The following MYLK variants were observed in gnomAD, a reference collection of about 807,000 sequenced individuals.
The protein encoded by MYLK is myosin light chain kinase, smooth muscle.
Under a neutral mutation model 203.4 loss-of-function variants are expected in MYLK, and 106 were observed. The ratio of observed to expected loss-of-function variants is 0.52; its 90% CI spans 0.45 to 0.61. The LOEUF (loss-of-function observed/expected upper bound fraction) is 0.61, where lower values mean the gene tolerates loss of function less well. Ranked by LOEUF, MYLK falls within the 20% of genes least tolerant of loss-of-function variation. The pLI is 0.00. For missense variants in MYLK, 2,072 were observed against 2,442.3 expected, an observed-to-expected ratio of 0.85 and a Z score of 3.20; for synonymous variants, 867 against 959.5, an observed-to-expected ratio of 0.90 and a Z score of 1.78.
At chr3:123,833,035 C>A (rs1049387041) in intron 2 of MYLK, among the ~76,000 whole-genome samples, 2 of 151,986 alleles carry the variant, frequency 1.3e-5, no homozygotes, top group Admixed American at 6.6e-5. Flanking sequence ...ACGGGAGAGA[C>A]GGGGCTCTCA....
At chr3:123,710,012 G>A in intron 13 of MYLK, 119 bp from the exon 14 acceptor site, 1 of 1,319,762 alleles carries the variant, frequency 7.6e-7, no homozygotes, top group Non-Finnish European at 1.1e-6. Flanking sequence ...GAAACTGGCA[G>A]CTAACAGATA....
At chr3:123,812,007 T>C (rs1003689783) in intron 3 of MYLK, among the ~76,000 whole-genome samples, 3 of 152,216 alleles carry the variant, frequency 2.0e-5, no homozygotes, top group African/African-American at 7.2e-5. Flanking sequence ...TAACGCTCAA[T>C]ATAAAGAATC....
chr3:123,721,135 C>T (rs2062071470), intron 13 of MYLK, among the ~76,000 whole-genome samples: 2 of 152,216 alleles, frequency 1.3e-5, no homozygotes, highest in Non-Finnish European at 2.9e-5. Flanking sequence ...CAGTAAGCCA[C>T]AAATGTTTCT....
At position 123,627,449 on chromosome 3, in the gene MYLK, A is replaced by G. The variant is rs190487605; in HGVS notation, c.5115-508T>C. 1.2e-4 allele frequency among the ~76,000 whole-genome samples: 19 copies of G among 152,366 alleles called. No individual in the cohort carries two copies. The East Asian group carries it at 2.7e-3, about 22-fold the overall frequency. ...ATATCAGGTTTTTCCATTACAACTC[A>G]AAGAAGTAGGTCCTGCCTATAACCT... On this transcript the variant is annotated intron_variant, in intron 30 of 33. Coordinates refer to ENST00000360304, the MANE Select transcript of MYLK (RefSeq NM_053025.4).
chr3:123,614,423 T>C, intron 33 of MYLK, 74 bp from the exon 34 acceptor site: 1 of 1,584,064 alleles, frequency 6.3e-7, no homozygotes. Flanking sequence ...GCAAGCAACT[T>C]GTAAGCTACC....
chr3:123,850,091 G>T (rs891304376), intron 2 of MYLK, among the ~76,000 whole-genome samples: 14 of 152,308 alleles, frequency 9.2e-5, no homozygotes, highest in Middle Eastern at 3.4e-3. Flanking sequence ...TTTTATGGCT[G>T]CATAGTATTC....
chr3:123,861,399 G>C (rs535453228), intron 2 of MYLK, among the ~76,000 whole-genome samples: 2 of 152,346 alleles, frequency 1.3e-5, no homozygotes, highest in African/African-American at 4.8e-5. Flanking sequence ...GGTACTAACA[G>C]AGCTCCCCTC....
chr3:123,844,494 T>C (rs2066664208), intron 2 of MYLK, among the ~76,000 whole-genome samples: 1 of 152,162 alleles, frequency 6.6e-6, no homozygotes, highest in Non-Finnish European at 1.5e-5. Flanking sequence ...AGTCATGAGT[T>C]CTTAGAATCC....
chr3:123,820,862 T>A (rs1478012059), intron 3 of MYLK, among the ~76,000 whole-genome samples: 1 of 152,122 alleles, frequency 6.6e-6, no homozygotes, highest in Non-Finnish European at 1.5e-5. Context: ...TAGCTGGGAT[T>A]ACGAGTGTGC....
chr3:123,654,026 G>T (rs980378371), intron 24 of MYLK, among the ~76,000 whole-genome samples: 29 of 148,710 alleles, frequency 2.0e-4, no homozygotes, highest in African/African-American at 7.3e-4. Context: ...GTGTGTGTGT[G>T]TGTAAGAAGA....
chr3:123,777,315 A>G (rs2064115256), intron 4 of MYLK, among the ~76,000 whole-genome samples: 1 of 152,234 alleles, frequency 6.6e-6, no homozygotes, highest in Admixed American at 6.5e-5. Context: ...AAACTCAGAT[A>G]TCCTGGCTAC....
rs140100605 is a variant in MYLK, at chr3:123,733,971, G to C, written c.1025C>G (p.Ser342Cys). ...TGCGGCCTGCAGGGTGATGGAGCTG[G>C]AAGTCTTCTGAAGGACCGGGGTCTG... ...APQTPVLQKTSSSITLQAARV... is the reference protein window; with the variant it reads ...APQTPVLQKTCSSITLQAARV... The change falls in exon 10 of 34, where the codon TCC becomes TGC. Residue 342 changes from serine (S) to cysteine (C), a missense_variant. By Grantham distance (112) the Ser-to-Cys change is moderately radical. This residue lies in a region of MYLK where 683 missense variants were observed against 643.8 expected (regional missense o/e 1.06). Coordinates refer to ENST00000360304, the MANE Select transcript of MYLK (RefSeq NM_053025.4). The C allele has an allele frequency of 1.2e-6, 2 of 1,614,192 alleles. No homozygotes were observed. The highest frequency in any genetic ancestry group is 1.7e-6 in the Non-Finnish European group (2 of 1,180,034).
intron 2 of MYLK, among the ~76,000 whole-genome samples, chr3:123,868,618 C>T (rs368231915): frequency 1.4e-4 from 22 of 152,106 alleles, no homozygotes; most frequent in East Asian, 5.8e-4. Context: ...CTAATTTATA[C>T]CCTGTGCTTA....
intron 2 of MYLK, among the ~76,000 whole-genome samples, chr3:123,846,574 G>C (rs141419780): frequency 6.6e-6 from 1 of 152,120 alleles, no homozygotes; most frequent in East Asian, 1.9e-4. Context: ...CTCCATCTAG[G>C]ACCGAAATTC....
At chr3:123,839,000 CAGG>C (rs1481235729) in intron 2 of MYLK, among the ~76,000 whole-genome samples, 3 of 152,086 alleles carry the variant, frequency 2.0e-5, no homozygotes, top group Non-Finnish European at 2.9e-5. Context: ...GAGGCTGAGG[CAGG>C]AGAATTGCCT....
At chr3:123,634,303 G>C (rs962300502) in intron 29 of MYLK, among the ~76,000 whole-genome samples, 1 of 152,234 alleles carries the variant, frequency 6.6e-6, no homozygotes, top group African/African-American at 2.4e-5. Flanking sequence ...AGGCTCAGCA[G>C]CAGAGAGGGC....
At chr3:123,835,402 A>G (rs977627302) in intron 2 of MYLK, among the ~76,000 whole-genome samples, 3 of 152,178 alleles carry the variant, frequency 2.0e-5, no homozygotes, top group African/African-American at 7.2e-5. Context: ...GAATATTTGA[A>G]TATGTCTGTG....
At chr3:123,718,516 C>G (rs1413346539) in intron 13 of MYLK, among the ~76,000 whole-genome samples, 1 of 152,212 alleles carries the variant, frequency 6.6e-6, no homozygotes, top group Non-Finnish European at 1.5e-5. Context: ...CACACTGCCC[C>G]GTCTACTTTG....
chr3:123,782,091 T>C (rs2064321567), intron 4 of MYLK, among the ~76,000 whole-genome samples: 1 of 152,184 alleles, frequency 6.6e-6, no homozygotes, highest in Non-Finnish European at 1.5e-5. Context: ...ATCTGAATCG[T>C]GATTTTATAA....
Sources: allele counts gnomAD v4.1 joint callset (sites outside exome capture counted in the v4.1 genomes callset), GRCh38; gene constraint gnomAD v4.1.1; regional missense constraint gnomAD v4.1.1; transcripts MANE v1.5; gene names NCBI Gene and HGNC (gene_info 2026-07-23, HGNC 2026-07-21).